The following AFF3 variants were observed in gnomAD, a reference collection of about 807,000 sequenced individuals.
AFF3 encodes the protein ALF transcription elongation factor 3, also known as AF4/FMR2 family member 3.
AFF3 carries 32 observed loss-of-function variants against 129.7 expected under a neutral mutation model. The observed-to-expected ratio is 0.25, with a 90% CI of 0.19 to 0.33. The LOEUF (loss-of-function observed/expected upper bound fraction) is 0.33. AFF3 is among the 10% of genes least tolerant of loss of function. The pLI, the probability that AFF3 is intolerant of heterozygous loss-of-function variation, is 1.00. For missense variants in AFF3, 1,373 were observed against 1,592.0 expected, an observed-to-expected ratio of 0.86 and a Z score of 2.34; for synonymous variants, 644 against 635.4, an observed-to-expected ratio of 1.01 and a Z score of -0.20.
At chr2:99,994,207 T>C (rs1363505817) in intron 7 of AFF3, among the ~76,000 whole-genome samples, 1 of 152,136 alleles carries the variant, frequency 6.6e-6, no homozygotes, top group Non-Finnish European at 1.5e-5. Context: ...TACTGAGACA[T>C]ATTTTGGTTA....
intron 2 of AFF3, chr2:100,106,886 C>T (rs1163893025): frequency 2.0e-6 from 2 of 985,306 alleles, no homozygotes; most frequent in Non-Finnish European, 2.4e-6. Context: ...GAGGGAAGGC[C>T]CTGGGATGGT....
intron 7 of AFF3, among the ~76,000 whole-genome samples, chr2:99,843,126 T>G (rs974185575): frequency 6.6e-6 from 1 of 152,234 alleles, no homozygotes; most frequent in African/African-American, 2.4e-5. Flanking sequence ...AAAAGTTAGG[T>G]ATGCTGTCAA....
intron 13 of AFF3, among the ~76,000 whole-genome samples, chr2:99,611,755 C>T (rs1477635136): frequency 7.9e-5 from 12 of 152,116 alleles, no homozygotes; most frequent in South Asian, 4.2e-4. Context: ...GGTGTGGTGG[C>T]GCGCGCCTGT....
rs181916219 is a variant in AFF3, at chr2:99,566,581, A to G, written c.2983-958T>C. On this transcript the variant is annotated intron_variant, in intron 19 of 24. Coordinates refer to ENST00000672756, the MANE Select transcript of AFF3 (RefSeq NM_001386135.1). ...AAACAAAACACATTTCTACGGGATT[A>G]TCTGTAGCTGTCGAAATTTGTGTTA... is the stretch of plus-strand genomic sequence containing the variant. Among the ~76,000 whole-genome samples the G allele has an allele frequency of 3.3e-5, 5 of 152,242 alleles. No individual in the cohort carries two copies. The East Asian group carries it at 9.7e-4, about 29-fold the overall frequency.
intron 8 of AFF3, among the ~76,000 whole-genome samples, chr2:99,834,886 T>C (rs1023571696): frequency 1.3e-5 from 2 of 152,176 alleles, no homozygotes; most frequent in Non-Finnish European, 1.5e-5. Context: ...ATTTCTACGG[T>C]GTTATTACCA....
intron 7 of AFF3, among the ~76,000 whole-genome samples, chr2:99,986,535 A>G (rs1335211426): frequency 1.3e-5 from 2 of 152,208 alleles, no homozygotes; most frequent in Non-Finnish European, 2.9e-5. Context: ...CAAATGCTAC[A>G]TAATTTTCTA....
intron 8 of AFF3, among the ~76,000 whole-genome samples, chr2:99,792,402 A>G (rs1012083371): frequency 1.3e-5 from 2 of 152,212 alleles, no homozygotes; most frequent in Admixed American, 1.3e-4. Flanking sequence ...AGCCCAGGAG[A>G]TTGAGGTTAC....
intron 7 of AFF3, among the ~76,000 whole-genome samples, chr2:99,854,091 A>G (rs1315646848): frequency 1.3e-5 from 2 of 152,196 alleles, no homozygotes; most frequent in Admixed American, 6.5e-5. Flanking sequence ...TATCTGGATC[A>G]TAAGAAGACT....
chr2:99,681,251 T>G (rs915722730), intron 11 of AFF3, among the ~76,000 whole-genome samples: 2 of 152,176 alleles, frequency 1.3e-5, no homozygotes, highest in African/African-American at 4.8e-5. Context: ...GTTTGTTCAT[T>G]AATATAAGGG....
chr2:99,888,555 G>A (rs1195639659), intron 7 of AFF3, among the ~76,000 whole-genome samples: 1 of 151,992 alleles, frequency 6.6e-6, no homozygotes, highest in Non-Finnish European at 1.5e-5. Context: ...TAAAAATTGT[G>A]TAAGTCATGC....
chr2:99,914,929 T>TTAAAA (rs529986833), intron 7 of AFF3, among the ~76,000 whole-genome samples: 12 of 151,698 alleles, frequency 7.9e-5, no homozygotes, highest in South Asian at 4.2e-4. Flanking sequence ...AATTAATTAA[T>TTAAAA]TAAAATAAAA....
chr2:100,041,567 T>A (rs573599280), intron 4 of AFF3, among the ~76,000 whole-genome samples: 78 of 152,254 alleles, frequency 5.1e-4, no homozygotes, highest in African/African-American at 1.9e-3. Flanking sequence ...AGTCATTAAA[T>A]CCAGGTTGGC....
chr2:99,721,593 C>T (rs1678899029), intron 11 of AFF3, among the ~76,000 whole-genome samples: 1 of 150,274 alleles, frequency 6.7e-6, no homozygotes, highest in South Asian at 2.1e-4. Context: ...TTTTGTCTTT[C>T]AGCACCTTAA....
intron 7 of AFF3, among the ~76,000 whole-genome samples, chr2:99,946,307 C>G (rs1462517709): frequency 1.3e-5 from 2 of 151,510 alleles, no homozygotes; most frequent in African/African-American, 2.4e-5. Flanking sequence ...AACCCCATCT[C>G]TACTAAAAAT....
chr2:99,763,820 C>T (rs762147777), intron 8 of AFF3, among the ~76,000 whole-genome samples: 2 of 152,148 alleles, frequency 1.3e-5, no homozygotes, highest in Non-Finnish European at 2.9e-5. Context: ...AGGAATATGT[C>T]CAGTTTGAAC....
At chr2:99,955,719 C>T (rs1024213897) in intron 7 of AFF3, among the ~76,000 whole-genome samples, 4 of 152,066 alleles carry the variant, frequency 2.6e-5, no homozygotes, top group East Asian at 1.9e-4. Context: ...ATTATCAGGC[C>T]AAATTTTTTA....
At chr2:100,138,867 C>T (rs888153516) in intron 1 of AFF3, among the ~76,000 whole-genome samples, 4 of 151,436 alleles carry the variant, frequency 2.6e-5, no homozygotes, top group African/African-American at 4.9e-5. Context: ...ATCACTTGAA[C>T]CCAGGAGGCG....
chr2:99,813,814 G>T (rs981706525), intron 8 of AFF3, among the ~76,000 whole-genome samples: 1 of 152,150 alleles, frequency 6.6e-6, no homozygotes, highest in African/African-American at 2.4e-5. Flanking sequence ...CAGTAGCAAA[G>T]ATCACAGTCA....
intron 13 of AFF3, among the ~76,000 whole-genome samples, chr2:99,612,997 A>G (rs995098121): frequency 3.9e-5 from 6 of 152,236 alleles, no homozygotes; most frequent in Non-Finnish European, 1.5e-5. Flanking sequence ...ATGGGGATTA[A>G]ATGGTTTTTG....
Sources: gnomAD v4.1 joint callset for allele counts (sites outside exome capture counted in the v4.1 genomes callset) on GRCh38, gnomAD v4.1.1 for gene constraint, MANE v1.5 for transcripts, NCBI Gene and HGNC (gene_info 2026-07-23, HGNC 2026-07-21) for gene names.